Variants in RTN4 observed in about 807,000 individuals in gnomAD.
RTN4 encodes the protein reticulon 4, also known as reticulon-4.
A neutral mutation model predicts 90.4 loss-of-function variants in RTN4; 32 were observed. The ratio of observed to expected loss-of-function variants is 0.35; its 90% confidence interval spans 0.27 to 0.48. RTN4 has a LOEUF of 0.48. RTN4 is among the 20% of genes least tolerant of loss of function. RTN4 has a pLI of 0.99. For missense variants in RTN4, 1,706 were observed against 1,430.2 expected (o/e 1.19, Z -3.11); for synonymous variants, 629 against 552.5 (o/e 1.14, Z -1.94).
rs939085248 is a variant in RTN4 at position 55,049,898 on chromosome 2, C to T, written c.403G>A (p.Glu135Lys). The change falls in exon 1 of 9, where the codon GAG becomes AAG. Residue 135 changes from glutamate (E) to lysine (K), a missense_variant. Transcript: ENST00000337526. ...GGCCGGGCCGGAGGCTCGTCGTCCTCAGGGAGCTTGGAGGGCGAGACTGCG... is the reference window on the plus strand; with the variant it reads ...GGCCGGGCCGGAGGCTCGTCGTCCTTAGGGAGCTTGGAGGGCGAGACTGCG... ...AAAVSPSKLP[E>K]DDEPPARPPP... The T allele has an allele frequency of 2.3e-6, 3 of 1,329,512 alleles. No individual in the cohort carries two copies. In the African/African-American group the frequency reaches 4.6e-5, roughly 21 times the overall value. The allele number at this position is 1,329,512 out of a possible 1,614,324, so 82.4% of individuals were successfully genotyped here.
In RTN4 at chr2:54,972,869, A is replaced by AAAAT. The variant is rs1485363834; in HGVS notation, c.*283_*286dup. ...GCGGCAAGACTATCTGCAACAAAGT[A>AAAAT]AAATATACAGGTTTTTTATTCCACC... is the stretch of plus-strand genomic sequence containing the variant. On this transcript the variant is annotated 3_prime_UTR_variant, in exon 9 of 9. Coordinates refer to ENST00000337526, the MANE Select transcript of RTN4 (RefSeq NM_020532.5). 8.5e-5 allele frequency: 26 copies of AAAAT among 304,660 alleles called. No homozygotes were observed. The highest frequency in any genetic ancestry group is 3.0e-4 in the Admixed American group (6 of 20,166). 18.9% of individuals were successfully genotyped at this position (304,660 alleles called of 1,614,324 possible).
intron 1 of RTN4, among the ~76,000 whole-genome samples, chr2:55,085,814 A>T (rs1668826963): frequency 6.6e-6 from 1 of 152,224 alleles, no homozygotes; most frequent in South Asian, 2.1e-4. Flanking sequence ...GCCCATTATG[A>T]GACATAAATA....
intron 1 of RTN4, among the ~76,000 whole-genome samples, chr2:55,030,344 C>A (rs1300524742): frequency 6.6e-6 from 1 of 152,048 alleles, no homozygotes; most frequent in African/African-American, 2.4e-5. Flanking sequence ...GAAAAATCTT[C>A]ATTTTGTAAA....
intron 7 of RTN4, 54 bp downstream of exon 7, chr2:54,973,767 C>T: frequency 1.3e-6 from 2 of 1,547,512 alleles, no homozygotes; most frequent in South Asian, 1.1e-5. Flanking sequence ...CCGTAAATCC[C>T]ATGTAATAGA....
At chr2:55,064,080 G>A (rs1257503198) in intron 2 of RTN4, among the ~76,000 whole-genome samples, 1 of 151,760 alleles carries the variant, frequency 6.6e-6, no homozygotes, top group Non-Finnish European at 1.5e-5. Context: ...AAATTAGCCA[G>A]GTGTAGTGGT....
chr2:55,049,796 G>T lies in RTN4; in HGVS notation c.505C>A (p.Pro169Thr). 2 of 1,307,922 alleles carry T rather than the reference G, an allele frequency of 1.5e-6. No individual in the cohort carries two copies. The highest frequency in any genetic ancestry group is 1.9e-6 in the Non-Finnish European group (2 of 1,030,376). The allele number at this position is 1,307,922 out of a possible 1,614,324, so 81.0% of individuals were successfully genotyped here. A position where few individuals can be genotyped will look rare whatever the true frequency, so the allele number is the denominator to read the frequency against. Reference protein sequence around the residue: ...WTPPAPAPAAPPSTPAAPKRR... With the variant: ...WTPPAPAPAATPSTPAAPKRR... ...TTGGGCGCGGCCGGGGTGGAGGGGGGCGCGGCGGGAGCCGGGGCTGGCGGG... is the reference window on the plus strand; with the variant it reads ...TTGGGCGCGGCCGGGGTGGAGGGGGTCGCGGCGGGAGCCGGGGCTGGCGGG... The change falls in exon 1 of 9, where the codon CCC becomes ACC. Residue 169 changes from proline (P) to threonine (T), a missense_variant. Pro to Thr is a conservative substitution (Grantham distance 38, BLOSUM62 -1). Transcript: ENST00000337526.
At chr2:55,084,581 G>A (rs1668803111) in intron 1 of RTN4, among the ~76,000 whole-genome samples, 1 of 152,182 alleles carries the variant, frequency 6.6e-6, no homozygotes, top group Non-Finnish European at 1.5e-5. Flanking sequence ...AAAGGTGTGG[G>A]TAATCTGGGA....
At chr2:55,108,778 C>T (rs1002106752) in intron 1 of RTN4, among the ~76,000 whole-genome samples, 5 of 151,836 alleles carry the variant, frequency 3.3e-5, no homozygotes, top group Non-Finnish European at 5.9e-5. Flanking sequence ...TGGCAAAAAC[C>T]GCAATTACTT....
chr2:55,090,400 A>G (rs1326582581), intron 1 of RTN4, among the ~76,000 whole-genome samples: 3 of 152,252 alleles, frequency 2.0e-5, no homozygotes, highest in Admixed American at 6.5e-5. Context: ...AGTTCCCTGC[A>G]CACTCAATAT....
intron 3 of RTN4, among the ~76,000 whole-genome samples, chr2:54,994,733 A>G (rs1208609153): frequency 6.6e-6 from 1 of 152,208 alleles, no homozygotes; most frequent in Non-Finnish European, 1.5e-5. Flanking sequence ...AGAAAAAGAC[A>G]TACAAGGCAT....
At position 54,972,760 on chromosome 2, in the gene RTN4, A is replaced by C. The variant is rs1340353871; in HGVS notation, c.*396T>G. Reference sequence around the variant, plus strand: ...CATTTCAGAAAATCTGCATCAATCTACACGGACCATACACAGTGCACAAAC... The same window carrying C: ...CATTTCAGAAAATCTGCATCAATCTCCACGGACCATACACAGTGCACAAAC... On this transcript the variant is annotated 3_prime_UTR_variant, in exon 9 of 9. Transcript: ENST00000337526. 1 of 163,952 alleles carries C rather than the reference A, an allele frequency of 6.1e-6. No homozygotes were observed. The highest frequency in any genetic ancestry group is 1.3e-5 in the Non-Finnish European group (1 of 76,624). 10.2% of individuals were successfully genotyped at this position (163,952 alleles called of 1,614,324 possible).
At chr2:55,055,769 C>CAA (rs1316922151), upstream of RTN4, among the ~76,000 whole-genome samples, 1 of 97,984 alleles carries the variant, frequency 1.0e-5, no homozygotes, top group Admixed American at 1.0e-4. Flanking sequence ...GACTCCGTCT[C>CAA]AAAAAAAAAA....
chr2:55,014,307 A>C (rs1680869559), intron 3 of RTN4: 1 of 152,220 alleles, frequency 6.6e-6, no homozygotes, highest in Non-Finnish European at 1.5e-5. Flanking sequence ...TAAAATTCAT[A>C]AACTGAAAGT....
At chr2:54,982,455 C>T in intron 5 of RTN4, 60 bp downstream of exon 5, 1 of 1,436,672 alleles carries the variant, frequency 7.0e-7, no homozygotes, top group Non-Finnish European at 9.5e-7. Flanking sequence ...GAATTTTACA[C>T]TCAACTCTCT....
intron 3 of RTN4, among the ~76,000 whole-genome samples, chr2:54,989,361 A>G (rs1573310499): frequency 6.6e-6 from 1 of 152,208 alleles, no homozygotes; most frequent in South Asian, 2.1e-4. Flanking sequence ...ATTTATTCAA[A>G]TATTCCCAAA....
chr2:55,085,718 T>G (rs12464196), intron 1 of RTN4, among the ~76,000 whole-genome samples: 1 of 152,100 alleles, frequency 6.6e-6, no homozygotes, highest in Non-Finnish European at 1.5e-5. Flanking sequence ...TAGAAAAAAA[T>G]GAATGAGTAT....
At chr2:55,068,089 G>C (rs1295235301) in intron 2 of RTN4, among the ~76,000 whole-genome samples, 1 of 152,150 alleles carries the variant, frequency 6.6e-6, no homozygotes, top group Non-Finnish European at 1.5e-5. Flanking sequence ...TTGGCCTTAA[G>C]CAGATATGTG....
chr2:55,130,155 G>A, the RTN4 span, among the ~76,000 whole-genome samples: 12 of 152,272 alleles, frequency 7.9e-5, no homozygotes, highest in East Asian at 2.3e-3. Context: ...GTCATATTAA[G>A]GAATATTATG....
At chr2:55,075,003 C>T (rs554163029) in intron 2 of RTN4, among the ~76,000 whole-genome samples, 2 of 152,246 alleles carry the variant, frequency 1.3e-5, no homozygotes, top group East Asian at 3.9e-4. Flanking sequence ...AGGTATTGCC[C>T]CTGATAACTG....
Sources: allele counts gnomAD v4.1 joint callset (sites outside exome capture counted in the v4.1 genomes callset), GRCh38; gene constraint gnomAD v4.1.1; transcripts MANE v1.5; gene names NCBI Gene and HGNC (gene_info 2026-07-23, HGNC 2026-07-21).